Variants in GNG7 observed in about 807,000 individuals in gnomAD.
GNG7 encodes the protein guanine nucleotide-binding protein G(I)/G(S)/G(O) subunit gamma-7.
Under a neutral mutation model 4.0 loss-of-function variants are expected in GNG7, and 1 was observed. The ratio of observed to expected loss-of-function variants is 0.25; its 90% CI spans 0.09 to 1.18. The LOEUF is 1.18. GNG7 is among the 50% of genes most tolerant of loss of function. The probability of loss-of-function intolerance (pLI) is 0.50; values close to 1 mark genes in which losing one functional copy is unlikely to be tolerated. For synonymous variants in GNG7, 34 were observed against 36.9 expected (o/e 0.92, Z 0.29); for missense variants, 86 against 91.9 (o/e 0.94, Z 0.26).
At chr19:2,515,491 G>T (rs993955984) in intron 4 of GNG7, among the ~76,000 whole-genome samples, 1 of 151,546 alleles carries the variant, frequency 6.6e-6, no homozygotes, top group South Asian at 2.1e-4. Flanking sequence ...GCAGTGGCAC[G>T]ATCTCGGCTC....
At chr19:2,553,558 T>C (rs1057484226) in intron 3 of GNG7, among the ~76,000 whole-genome samples, 16 of 149,418 alleles carry the variant, frequency 1.1e-4, no homozygotes, top group African/African-American at 3.4e-4. Context: ...ATATGTAATA[T>C]CACATGTAAT....
At chr19:2,692,136 C>T (rs941125589) in intron 1 of GNG7, among the ~76,000 whole-genome samples, 1 of 152,196 alleles carries the variant, frequency 6.6e-6, no homozygotes, top group African/African-American at 2.4e-5. Context: ...TCATTCATGA[C>T]GGCGGCAGCC....
chr19:2,628,432 CAG>C (rs942068582), intron 2 of GNG7, among the ~76,000 whole-genome samples: 2 of 152,160 alleles, frequency 1.3e-5, no homozygotes, highest in African/African-American at 4.8e-5. Flanking sequence ...GGACCCTCCA[CAG>C]GCAGCTCACG....
intron 1 of GNG7, among the ~76,000 whole-genome samples, chr19:2,689,000 G>A (rs1374682328): frequency 6.6e-6 from 1 of 151,930 alleles, no homozygotes; most frequent in African/African-American, 2.4e-5. Flanking sequence ...AGGAGTTGGA[G>A]GCTACAGTGA....
At chr19:2,554,558 TA>T (rs68188741) in intron 3 of GNG7, among the ~76,000 whole-genome samples, 18,124 of 74,160 alleles carry the variant, frequency 0.24, 1,163 homozygotes, top group East Asian at 0.4. Flanking sequence ...TATATATATA[TA>T]TTTTTTTTTT....
chr19:2,655,205 A>C (rs912293940), intron 1 of GNG7, among the ~76,000 whole-genome samples: 1 of 149,216 alleles, frequency 6.7e-6, no homozygotes, highest in African/African-American at 2.5e-5. Context: ...AAAAAAAAAA[A>C]CCACACACAC....
chr19:2,665,992 T>C (rs1983300020), intron 1 of GNG7, among the ~76,000 whole-genome samples: 2 of 148,530 alleles, frequency 1.3e-5, no homozygotes, highest in South Asian at 2.2e-4. Flanking sequence ...CAGTCCCCCA[T>C]ATAGCCAGTA....
chr19:2,587,604 G>A (rs578029899), intron 2 of GNG7, among the ~76,000 whole-genome samples: 2 of 152,260 alleles, frequency 1.3e-5, no homozygotes, highest in Admixed American at 1.3e-4. Flanking sequence ...TCAAAGGGGA[G>A]GCAGGCCTGG....
At position 2,546,472 on chromosome 19, in the gene GNG7, G is replaced by T. The variant is rs866179479; in HGVS notation, c.-38+8677C>A. ...CCTCTGCCACATGGAAGGGAGGGCC[G>T]CACTGGCTGGAAAATAGTGCCTTGT... On this transcript the variant is annotated intron_variant, in intron 3 of 4. Transcript: ENST00000382159. This position sits in a 1 kb window ranked among gnomAD's most constrained non-coding sequence, Gnocchi z 6.3. 6.6e-6 allele frequency among the ~76,000 whole-genome samples: 1 copy of T among 152,258 alleles called. No individual in the cohort carries two copies.
chr19:2,682,380 G>A (rs978869262), intron 1 of GNG7, among the ~76,000 whole-genome samples: 1 of 151,876 alleles, frequency 6.6e-6, no homozygotes, highest in Non-Finnish European at 1.5e-5. Flanking sequence ...GAGCTACAGG[G>A]CGAGCTGGGC....
chr19:2,525,841 G>A (rs1017968205), intron 3 of GNG7, among the ~76,000 whole-genome samples: 1 of 151,954 alleles, frequency 6.6e-6, no homozygotes, highest in Admixed American at 6.6e-5. Flanking sequence ...TCGGAGTCTC[G>A]CTCTGTCGCC....
At chr19:2,579,750 G>A (rs1749837268) in intron 2 of GNG7, among the ~76,000 whole-genome samples, 4 of 152,184 alleles carry the variant, frequency 2.6e-5, no homozygotes, top group Admixed American at 2.6e-4. Flanking sequence ...CAGACGACGG[G>A]CCTGACATCC....
At position 2,638,280 on chromosome 19, in the gene GNG7, T is replaced by C. The variant is rs185506767; in HGVS notation, c.-78+7944A>G. ...CGGGAGGCCGAGGCAGAGAATTACTTGAGCCTGGGAGGCAGAGGTTGCAGT... is the reference window on the plus strand; with the variant it reads ...CGGGAGGCCGAGGCAGAGAATTACTCGAGCCTGGGAGGCAGAGGTTGCAGT... On this transcript the variant is annotated intron_variant, in intron 2 of 4. Transcript: ENST00000382159. Among the ~76,000 whole-genome samples the C allele has an allele frequency of 1.4e-4, 21 of 150,250 alleles. No homozygotes were observed. The East Asian group carries it at 2.9e-3, about 21-fold the overall frequency.
Position 2,597,692 on chromosome 19 carries a change from C to A in GNG7, c.-77-42504G>T, listed in dbSNP as rs982577036. Among the ~76,000 whole-genome samples the A allele has an allele frequency of 7.4e-5, 11 of 149,170 alleles. No individual in the cohort carries two copies. The South Asian group carries it at 1.9e-3, about 26-fold the overall frequency. On this transcript the variant is annotated intron_variant, in intron 2 of 4. Coordinates refer to ENST00000382159, the MANE Select transcript of GNG7 (RefSeq NM_052847.3). The stretch of plus-strand genomic sequence containing the variant: ...TGGGTGGATCACGAGGTCAGCAGAT[C>A]GAGACCATCCTGGCTAACACGGTGA...
At chr19:2,573,410 G>T (rs1228795969) in intron 2 of GNG7, among the ~76,000 whole-genome samples, 1 of 152,130 alleles carries the variant, frequency 6.6e-6, no homozygotes, top group Non-Finnish European at 1.5e-5. Flanking sequence ...AGGAGGCGGG[G>T]CTAGTCTTAG....
At chr19:2,568,421 TAC>T (rs545860563) in intron 2 of GNG7, among the ~76,000 whole-genome samples, 7 of 143,562 alleles carry the variant, frequency 4.9e-5, no homozygotes, top group East Asian at 2.1e-4. Context: ...CACATAGACA[TAC>T]ACACATACAT....
At chr19:2,676,780 C>T (rs1439631094) in intron 1 of GNG7, among the ~76,000 whole-genome samples, 1 of 145,314 alleles carries the variant, frequency 6.9e-6, no homozygotes, top group African/African-American at 2.7e-5. Context: ...GAGCTTGCAC[C>T]ACTTCCTAGA....
chr19:2,528,707 T>G (rs887030), intron 3 of GNG7, among the ~76,000 whole-genome samples: 124,059 of 152,056 alleles, frequency 0.82, 51,179 homozygotes, highest in African/African-American at 0.95. Context: ...AATCTGCCCT[T>G]GCTCTACCAA....
intron 2 of GNG7, among the ~76,000 whole-genome samples, chr19:2,601,336 A>C (rs1981192741): frequency 6.6e-6 from 1 of 152,140 alleles, no homozygotes; most frequent in Admixed American, 6.6e-5. Flanking sequence ...AATTCAGCTC[A>C]ACCACTATCT....
Sources: allele counts gnomAD v4.1 joint callset (sites outside exome capture counted in the v4.1 genomes callset), GRCh38; gene constraint gnomAD v4.1.1; non-coding constraint Gnocchi (gnomAD v3.1); transcripts MANE v1.5; gene names NCBI Gene and HGNC (gene_info 2026-07-23, HGNC 2026-07-21).